ZNF816: variants seen among roughly 807,000 people sequenced by gnomAD.
ZNF816 encodes the protein zinc finger protein 816A.
Under a neutral mutation model 8.3 loss-of-function variants are expected in ZNF816, and 11 were observed. The ratio of observed to expected loss-of-function variants is 1.32; its 90% CI spans 0.83 to 2.19. The LOEUF (loss-of-function observed/expected upper bound fraction) is 2.19. ZNF816 is among the 30% of genes most tolerant of loss of function. The pLI, the probability that ZNF816 is intolerant of heterozygous loss-of-function variation, is 0.00. For missense variants in ZNF816, 710 were observed against 779.3 expected (o/e 0.91, Z 1.06); for synonymous variants, 255 against 254.5 (o/e 1.00, Z -0.02).
chr19:52,953,643 AAT>A lies in ZNF816; in HGVS notation c.64-768_64-767del, dbSNP rs201249204. 3.7e-3 allele frequency among the ~76,000 whole-genome samples: 511 copies of A among 139,740 alleles called. 22 individuals are homozygous for A. In the East Asian group the frequency reaches 0.082, roughly 22 times the overall value. The allele number at this position is 139,740 out of a possible 152,430, so 91.7% of individuals were successfully genotyped here. Reference sequence around the variant, plus strand: ...ATATATATGATACAATATTATATATAATATATATTACAATATTGTATCATATA... The same window carrying A: ...ATATATATGATACAATATTATATATAATATATTACAATATTGTATCATATA... On this transcript the variant is annotated intron_variant, in intron 2 of 3. Transcript: ENST00000444460.
chr19:52,950,411 C>A lies in ZNF816; in HGVS notation c.1364G>T (p.Cys455Phe). 1 of 1,613,666 alleles carries A rather than the reference C, an allele frequency of 6.2e-7. No individual in the cohort carries two copies. Among genetic ancestry groups the A allele is most frequent in the East Asian group, 2.2e-5 (1 of 44,810 alleles). Reference protein sequence around the residue: ...RVHTGEKPYKCNKCGRSFSRK... With the variant: ...RVHTGEKPYKFNKCGRSFSRK... ...ACTGAAACTCCTGCCACATTTATTA[C>A]ACTTGTATGGTTTCTCTCCAGTATG... is the stretch of plus-strand genomic sequence containing the variant. Residue 455 changes from cysteine (C) to phenylalanine (F), a missense_variant, in exon 4 of 4, where the codon TGT (cysteine) becomes TTT (phenylalanine). Coordinates refer to ENST00000444460, the MANE Select transcript of ZNF816 (RefSeq NM_001202457.3).
chr19:52,954,966 C>G lies in ZNF816; in HGVS notation c.63+1061G>C, dbSNP rs185314710. Among the ~76,000 whole-genome samples the G allele has an allele frequency of 2.0e-5, 3 of 152,062 alleles. No individual in the cohort carries two copies. In the East Asian group the frequency reaches 5.8e-4, roughly 29 times the overall value. ...ACATGGGAATGGGTGGAAGGCTGGA[C>G]AGGAAAGGGGATGCATAAGTGCACT... On this transcript the variant is annotated intron_variant, in intron 2 of 3. Transcript: ENST00000444460.
intron 2 of ZNF816, among the ~76,000 whole-genome samples, 196 bp downstream of exon 2, chr19:52,955,831 C>T (rs2083505219): frequency 1.3e-5 from 2 of 152,150 alleles, no homozygotes; most frequent in Admixed American, 1.3e-4. Context: ...CCAGTGGAGC[C>T]TCTTCCCAAG....
In ZNF816 at chr19:52,952,722, C is replaced by T. The variant is rs766740883; in HGVS notation, c.190+29G>A. 3.7e-6 allele frequency: 6 copies of T among 1,612,654 alleles called. No homozygotes were observed. In the Admixed American group the frequency reaches 6.7e-5, roughly 18 times the overall value. On this transcript the variant is annotated intron_variant, in intron 3 of 3. Transcript: ENST00000444460. ...GAGCCAAGATAGACAAGTGCAGATT[C>T]CTCATGTCTGGAGGGACATTTTCCT...
At chr19:52,958,364 G>A (rs1453850479) in intron 1 of ZNF816, among the ~76,000 whole-genome samples, 1 of 152,162 alleles carries the variant, frequency 6.6e-6, no homozygotes, top group Non-Finnish European at 1.5e-5. Context: ...CATTAGACTA[G>A]CCCCTCAGAG....
chr19:52,960,759 G>C (rs2083549785), intron 1 of ZNF816, among the ~76,000 whole-genome samples: 1 of 152,160 alleles, frequency 6.6e-6, no homozygotes, highest in African/African-American at 2.4e-5. Context: ...CCGCTGTGAA[G>C]GTAGAAGGAA....
chr19:52,957,575 A>C lies in ZNF816; in HGVS notation c.-15-1471T>G, dbSNP rs140339464. Among the ~76,000 whole-genome samples, 234 of 152,360 alleles carry C rather than the reference A, an allele frequency of 1.5e-3. No homozygotes were observed. The highest frequency in any genetic ancestry group is 5.2e-3 in the African/African-American group (215 of 41,584). On this transcript the variant is annotated intron_variant, in intron 1 of 3. Coordinates refer to ENST00000444460, the MANE Select transcript of ZNF816 (RefSeq NM_001202457.3). This position sits in a 1 kb window ranked among gnomAD's most constrained non-coding sequence, Gnocchi z 4.6. ...ACTGCCCCCAAGGAGCCCATGGTCA[A>C]GATGACAGTTAGGGGCAAAGACATT...
At position 52,949,899 on chromosome 19, in the gene ZNF816, A is replaced by T; in HGVS notation, c.1876T>A (p.Cys626Ser). 1 of 1,613,924 alleles carries T rather than the reference A, an allele frequency of 6.2e-7. No homozygotes were observed. The highest frequency in any genetic ancestry group is 1.7e-5 in the Admixed American group (1 of 60,014). ...TAEKPYKCNE[C>S]GKAFTGQSTL... ...GACTGTCCAGTAAAGGCTTTGCCACACTCATTACACTTGTAAGGTTTCTCT... is the reference window on the plus strand; with the variant it reads ...GACTGTCCAGTAAAGGCTTTGCCACTCTCATTACACTTGTAAGGTTTCTCT... The change falls in exon 4 of 4, where the codon TGT becomes AGT. Residue 626 changes from cysteine (C) to serine (S), a missense_variant. Cys to Ser is a moderately radical substitution (Grantham distance 112). Transcript: ENST00000444460.
chr19:52,959,363 G>A (rs1293353563), intron 1 of ZNF816, among the ~76,000 whole-genome samples: 1 of 152,212 alleles, frequency 6.6e-6, no homozygotes, highest in African/African-American at 2.4e-5. Flanking sequence ...CAGCCCTGTT[G>A]AGCATAACTG....
chr19:52,956,906 A>C (rs960214837), intron 1 of ZNF816, among the ~76,000 whole-genome samples: 1 of 152,200 alleles, frequency 6.6e-6, no homozygotes, highest in Admixed American at 6.6e-5. Context: ...CCAACCCCTG[A>C]CCTAAACTAC....
intron 1 of ZNF816, among the ~76,000 whole-genome samples, chr19:52,956,987 C>A (rs1331863881): frequency 6.6e-6 from 1 of 152,190 alleles, no homozygotes; most frequent in Non-Finnish European, 1.5e-5. Context: ...TTAGCTGATG[C>A]ACGTAGTGTC....
rs1246580696 is a variant in ZNF816, at chr19:52,956,048, C to A, written c.42G>T (p.Glu14Asp). 6.2e-7 allele frequency: 1 copy of A among 1,611,872 alleles called. No individual in the cohort carries two copies. The highest frequency in any genetic ancestry group is 2.2e-5 in the East Asian group (1 of 44,856). ...EEATKKSKEK[E>D]PGMALPQGRL... is the part of the protein sequence containing the mutation. ...TTACCTGAGGAAGAGCCATCCCTGG[C>A]TCCTTTTCTTTGCTCTTCTTGGTGG... is the stretch of plus-strand genomic sequence containing the variant. Residue 14 changes from glutamate to aspartate, a missense_variant, in exon 2 of 4, where the codon GAG becomes GAT. Glu to Asp is a conservative substitution (Grantham distance 45). Transcript: ENST00000444460.
rs1221916621 is a variant in ZNF816 at position 52,950,979 on chromosome 19, A to C, written c.796T>G (p.Phe266Val). ...TATACAATGTATTGCTTCTGATTAA[A>C]GATCTTGCCACATACATCACATTTA... The part of the protein sequence containing the change: ...EYKCDVCGKI[F>V]NQKQYIVYHH... Residue 266 changes from phenylalanine (F) to valine (V), a missense_variant, in exon 4 of 4, where the codon TTT (phenylalanine) becomes GTT (valine). Transcript: ENST00000444460. 1 of 1,614,212 alleles carries C rather than the reference A, an allele frequency of 6.2e-7. No individual in the cohort carries two copies.
In ZNF816 at chr19:52,962,041, A is replaced by G. The variant is rs977400375; in HGVS notation, c.-16+686T>C. ...GACAGAAGTTGTATACAACAGCACA[A>G]CAAGGACAGTCACTTGGTGAGGCTT... On this transcript the variant is annotated intron_variant, in intron 1 of 3. Coordinates refer to ENST00000444460, the MANE Select transcript of ZNF816 (RefSeq NM_001202457.3). Among the ~76,000 whole-genome samples, 13 of 152,088 alleles carry G rather than the reference A, an allele frequency of 8.5e-5. 1 individual carries two copies. Among genetic ancestry groups the G allele is most frequent in the Admixed American group, 6.5e-4 (10 of 15,294 alleles).
intron 2 of ZNF816, among the ~76,000 whole-genome samples, 200 bp downstream of exon 2, chr19:52,955,827 G>C (rs922934940): frequency 6.6e-6 from 1 of 152,150 alleles, no homozygotes; most frequent in African/African-American, 2.4e-5. Flanking sequence ...ATGCCCAGTG[G>C]AGCCTCTTCC....
In ZNF816 at chr19:52,949,570, A is replaced by C. The variant is rs2083435387; in HGVS notation, c.*249T>G. On this transcript the variant is annotated 3_prime_UTR_variant, in exon 4 of 4. Coordinates refer to ENST00000444460, the MANE Select transcript of ZNF816 (RefSeq NM_001202457.3). ...ATGAAGTAAAGGCTTTGCCACAATCATCACACTTGTGAGGTTTCTCTCCTG... is the reference window on the plus strand; with the variant it reads ...ATGAAGTAAAGGCTTTGCCACAATCCTCACACTTGTGAGGTTTCTCTCCTG... The C allele has an allele frequency of 1.4e-6, 1 of 721,578 alleles. No homozygotes were observed. The highest frequency in any genetic ancestry group is 2.5e-6 in the Non-Finnish European group (1 of 395,472). 44.7% of individuals were successfully genotyped at this position (721,578 alleles called of 1,614,324 possible). A position where few individuals can be genotyped will look rare whatever the true frequency, so the allele number is the denominator to read the frequency against.
intron 1 of ZNF816, among the ~76,000 whole-genome samples, chr19:52,960,499 G>A (rs2083547328): frequency 6.6e-6 from 1 of 152,204 alleles, no homozygotes; most frequent in African/African-American, 2.4e-5. Context: ...CGTGGAAACT[G>A]CATGCTGCCT....
chr19:52,962,671 G>C (rs2083568042), intron 1 of ZNF816, 56 bp downstream of exon 1: 1 of 152,258 alleles, frequency 6.6e-6, no homozygotes, highest in Non-Finnish European at 1.5e-5. Flanking sequence ...GACCGGGGAC[G>C]GGACCAGCCT....
At chr19:52,954,623 G>A (rs1186798472) in intron 2 of ZNF816, among the ~76,000 whole-genome samples, 2 of 151,910 alleles carry the variant, frequency 1.3e-5, no homozygotes, top group Admixed American at 6.6e-5. Context: ...CCAAAAGTTC[G>A]AGACCAGCCT....
Sources: gnomAD v4.1 joint callset for allele counts (sites outside exome capture counted in the v4.1 genomes callset) on GRCh38, gnomAD v4.1.1 for gene constraint, Gnocchi (gnomAD v3.1) non-coding constraint, MANE v1.5 for transcripts, NCBI Gene and HGNC (gene_info 2026-07-23, HGNC 2026-07-21) for gene names.